Variants in TMEM131 observed in about 807,000 individuals in gnomAD.
The protein encoded by TMEM131 is transmembrane protein 131.
Under a neutral mutation model 211.6 loss-of-function variants are expected in TMEM131, and 66 were observed. The ratio of observed to expected loss-of-function variants is 0.31; its 90% CI spans 0.26 to 0.38. The LOEUF (loss-of-function observed/expected upper bound fraction) is 0.38. Ranked by LOEUF, TMEM131 falls within the 10% of genes least tolerant of loss-of-function variation. The pLI is 1.00. For synonymous variants in TMEM131, 844 were observed against 841.3 expected, an observed-to-expected ratio of 1.00 and a Z score of -0.06; for missense variants, 2,036 against 2,299.3, an observed-to-expected ratio of 0.89 and a Z score of 2.34.
chr2:97,797,269 T>C, intron 26 of TMEM131, 96 bp downstream of exon 26: 2 of 1,211,022 alleles, frequency 1.7e-6, no homozygotes, highest in Non-Finnish European at 2.3e-6. Context: ...GAATTCAAAC[T>C]ATTTCATAAG....
At chr2:97,875,101 G>C (rs1674639117) in intron 4 of TMEM131, among the ~76,000 whole-genome samples, 1 of 152,108 alleles carries the variant, frequency 6.6e-6, no homozygotes, top group African/African-American at 2.4e-5. Context: ...AACCAACAAA[G>C]ATCAAAAGAG....
At chr2:97,852,939 C>T (rs761820630) in intron 5 of TMEM131, among the ~76,000 whole-genome samples, 10 of 152,198 alleles carry the variant, frequency 6.6e-5, no homozygotes, top group Non-Finnish European at 1.3e-4. Context: ...TATAAATGGA[C>T]AAGGCCTAGA....
At chr2:97,856,823 T>C (rs1036654632) in intron 5 of TMEM131, among the ~76,000 whole-genome samples, 73 of 152,242 alleles carry the variant, frequency 4.8e-4, no homozygotes, top group African/African-American at 1.4e-3. Flanking sequence ...GAAAAAAAGA[T>C]GCAAAGCAAG....
At chr2:97,836,393 G>A (rs1266808775) in intron 8 of TMEM131, among the ~76,000 whole-genome samples, 3 of 152,168 alleles carry the variant, frequency 2.0e-5, no homozygotes, top group Admixed American at 6.5e-5. Flanking sequence ...CAGATGAGCA[G>A]TGATCTGAGT....
intron 4 of TMEM131, among the ~76,000 whole-genome samples, chr2:97,867,373 T>TTATA (rs1006811576): frequency 6.6e-6 from 1 of 151,968 alleles, no homozygotes; most frequent in South Asian, 2.1e-4. Flanking sequence ...CTGTTATTAG[T>TTATA]TATATATATA....
chr2:97,887,748 A>T, intron 4 of TMEM131: 1 of 248,794 alleles, frequency 4.0e-6, no homozygotes, highest in Non-Finnish European at 7.6e-6. Context: ...AATAGTAAAA[A>T]TAAAAATGAA....
chr2:97,787,966 C>T (rs1358007110), intron 31 of TMEM131, among the ~76,000 whole-genome samples: 2 of 152,198 alleles, frequency 1.3e-5, no homozygotes, highest in African/African-American at 4.8e-5. Flanking sequence ...TGTTGGATTT[C>T]CCATCCCTTG....
At position 97,833,006 on chromosome 2, in the gene TMEM131, C is replaced by T. The variant is rs114248617; in HGVS notation, c.1074+359G>A. 2.7e-3 allele frequency among the ~76,000 whole-genome samples: 408 copies of T among 152,238 alleles called. 4 individuals are homozygous for T. The highest frequency in any genetic ancestry group is 9.2e-3 in the African/African-American group (381 of 41,540). ...TCTGACTCTTCTTCCTCTTTCCTGC[C>T]CATACCTTAACTCCAACAACCAAAT... is the stretch of plus-strand genomic sequence containing the variant. On this transcript the variant is annotated intron_variant, in intron 11 of 40. Coordinates refer to ENST00000186436, the MANE Select transcript of TMEM131 (RefSeq NM_015348.2).
At chr2:97,965,336 T>A (rs1435698545) in intron 1 of TMEM131, among the ~76,000 whole-genome samples, 2 of 152,172 alleles carry the variant, frequency 1.3e-5, no homozygotes, top group Non-Finnish European at 1.5e-5. Flanking sequence ...AACAAAGAGC[T>A]TGTAAACCAA....
intron 11 of TMEM131, among the ~76,000 whole-genome samples, chr2:97,822,772 G>T (rs375100120): frequency 6.6e-6 from 1 of 152,038 alleles, no homozygotes; most frequent in Non-Finnish European, 1.5e-5. Flanking sequence ...TGCCTGGGCT[G>T]GGGGGAAACA....
At chr2:97,890,160 C>T (rs2104272385) in intron 3 of TMEM131, among the ~76,000 whole-genome samples, 1 of 152,292 alleles carries the variant, frequency 6.6e-6, no homozygotes, top group Non-Finnish European at 1.5e-5. Context: ...ATAGATTATT[C>T]AAAGTGTAAC....
chr2:97,852,240 C>G (rs913676963), intron 5 of TMEM131, among the ~76,000 whole-genome samples: 4 of 149,592 alleles, frequency 2.7e-5, no homozygotes, highest in Non-Finnish European at 5.9e-5. Context: ...TGGCTCACTG[C>G]AATCTCTGCC....
At chr2:97,831,222 A>G (rs1326701095) in intron 11 of TMEM131, among the ~76,000 whole-genome samples, 3 of 152,256 alleles carry the variant, frequency 2.0e-5, no homozygotes, top group Non-Finnish European at 2.9e-5. Context: ...TTTACAACAC[A>G]TAAATCAGAT....
intron 3 of TMEM131, among the ~76,000 whole-genome samples, chr2:97,898,540 C>T (rs919997372): frequency 6.6e-6 from 1 of 152,158 alleles, no homozygotes; most frequent in Non-Finnish European, 1.5e-5. Context: ...CACACATGTG[C>T]ACAAAGAGGG....
intron 32 of TMEM131, among the ~76,000 whole-genome samples, chr2:97,772,766 G>A (rs758764627): frequency 2.6e-5 from 4 of 152,302 alleles, no homozygotes; most frequent in Non-Finnish European, 5.9e-5. Context: ...GCGTGGTGGC[G>A]CATGCCTGTA....
chr2:97,792,220 A>G (rs1680528605), intron 31 of TMEM131, among the ~76,000 whole-genome samples, 166 bp downstream of exon 31: 1 of 152,248 alleles, frequency 6.6e-6, no homozygotes, highest in Non-Finnish European at 1.5e-5. Flanking sequence ...AGATACCTCT[A>G]ATTGCATTTT....
At chr2:97,914,457 G>C (rs2104393288) in intron 2 of TMEM131, among the ~76,000 whole-genome samples, 1 of 152,262 alleles carries the variant, frequency 6.6e-6, no homozygotes, top group Non-Finnish European at 1.5e-5. Flanking sequence ...GTAGGTTCAT[G>C]AACACCAGTC....
chr2:97,994,021 G>A (rs772667026), intron 1 of TMEM131, among the ~76,000 whole-genome samples: 9 of 152,222 alleles, frequency 5.9e-5, no homozygotes, highest in Non-Finnish European at 8.8e-5. Context: ...CTGGCACTGT[G>A]CAAGGTAAGC....
At chr2:97,934,156 G>A (rs1370186634) in intron 1 of TMEM131, among the ~76,000 whole-genome samples, 1 of 152,082 alleles carries the variant, frequency 6.6e-6, no homozygotes, top group Non-Finnish European at 1.5e-5. Context: ...AAGGTAATAA[G>A]TACATATAGC....
Sources: allele counts gnomAD v4.1 joint callset (sites outside exome capture counted in the v4.1 genomes callset), GRCh38; gene constraint gnomAD v4.1.1; transcripts MANE v1.5; gene names NCBI Gene and HGNC (gene_info 2026-07-23, HGNC 2026-07-21).